The following KCNMA1 variants were observed in gnomAD, a reference collection of about 807,000 sequenced individuals.
KCNMA1 encodes potassium calcium-activated channel subfamily M alpha 1, also known as Calcium-activated potassium channel subunit alpha-1.
In KCNMA1, 29 loss-of-function variants were observed where a neutral mutation model predicts 140.0. The ratio of observed to expected loss-of-function variants is 0.21; its 90% CI spans 0.15 to 0.28. The LOEUF (loss-of-function observed/expected upper bound fraction) is 0.28. KCNMA1 is among the 10% of genes least tolerant of loss of function. The pLI is 1.00. For missense variants in KCNMA1, 880 were observed against 1,602.2 expected, an observed-to-expected ratio of 0.55 and a Z score of 7.70; for synonymous variants, 612 against 611.9, an observed-to-expected ratio of 1.00 and a Z score of 0.00.
intron 1 of KCNMA1, among the ~76,000 whole-genome samples, chr10:77,524,197 G>A (rs925137840): frequency 6.6e-6 from 1 of 152,236 alleles, no homozygotes; most frequent in Non-Finnish European, 1.5e-5. Flanking sequence ...GAGAATAGGG[G>A]TTGTGGTGCA....
rs2057074857 is a variant in KCNMA1, at chr10:77,529,717, C to A, written c.378+107548G>T. On this transcript the variant is annotated intron_variant, in intron 1 of 27. Transcript: ENST00000286628. ...TTAACCCCATTCTCACCCCTGATCC[C>A]AGAACCTCTCCAGGGAAAAGAATGA... 2.0e-5 allele frequency among the ~76,000 whole-genome samples: 3 copies of A among 152,184 alleles called. No individual in the cohort carries two copies. The South Asian group carries it at 6.2e-4, about 32-fold the overall frequency.
chr10:77,095,188 T>G (rs916145207), intron 9 of KCNMA1, among the ~76,000 whole-genome samples: 5 of 152,360 alleles, frequency 3.3e-5, no homozygotes, highest in Middle Eastern at 3.4e-3. Context: ...CATCAGCGAT[T>G]GTCCTGACCA....
At chr10:76,954,067 C>G in intron 20 of KCNMA1, 143 bp from the exon 21 acceptor site, 1 of 985,708 alleles carries the variant, frequency 1.0e-6, no homozygotes, top group Non-Finnish European at 1.5e-6. Flanking sequence ...CTTACAGAAT[C>G]CATCCTTTGA....
chr10:77,394,113 T>C (rs1039624989), intron 2 of KCNMA1, among the ~76,000 whole-genome samples: 1 of 152,128 alleles, frequency 6.6e-6, no homozygotes, highest in Non-Finnish European at 1.5e-5. Context: ...ACCTGGAAAC[T>C]TCAGAGGAGA....
intron 11 of KCNMA1, 86 bp downstream of exon 11, chr10:77,086,402 G>T: frequency 1.0e-6 from 1 of 971,394 alleles, no homozygotes; most frequent in Non-Finnish European, 1.7e-6. Flanking sequence ...CAACCTAGGA[G>T]GTGTGTCCCC....
chr10:77,169,438 G>A (rs1459532997), intron 5 of KCNMA1, among the ~76,000 whole-genome samples: 2 of 151,784 alleles, frequency 1.3e-5, no homozygotes, highest in African/African-American at 4.8e-5. Flanking sequence ...TGCCCAGGCT[G>A]GAGTACAGTA....
intron 16 of KCNMA1, among the ~76,000 whole-genome samples, chr10:77,023,159 C>A (rs940241969): frequency 6.6e-6 from 1 of 152,196 alleles, no homozygotes; most frequent in Admixed American, 6.5e-5. Flanking sequence ...TGGAAGACTG[C>A]AGCTTGATGG....
chr10:77,206,453 A>G (rs140549863), intron 3 of KCNMA1, among the ~76,000 whole-genome samples: 1 of 152,298 alleles, frequency 6.6e-6, no homozygotes, highest in Non-Finnish European at 1.5e-5. Flanking sequence ...GGGCTCATTA[A>G]CTGTTACCTG....
At chr10:77,022,624 T>C (rs1331791024) in intron 16 of KCNMA1, among the ~76,000 whole-genome samples, 3 of 152,200 alleles carry the variant, frequency 2.0e-5, no homozygotes, top group Non-Finnish European at 4.4e-5. Flanking sequence ...TCACATTCTA[T>C]TTACCTTTGA....
At chr10:77,233,980 G>A (rs1307497300) in intron 3 of KCNMA1, among the ~76,000 whole-genome samples, 1 of 152,126 alleles carries the variant, frequency 6.6e-6, no homozygotes, top group Non-Finnish European at 1.5e-5. Context: ...AATGACACTT[G>A]TAACTTTTTT....
At chr10:77,011,052 G>T (rs772942072) in intron 18 of KCNMA1, among the ~76,000 whole-genome samples, 1 of 152,024 alleles carries the variant, frequency 6.6e-6, no homozygotes, top group Non-Finnish European at 1.5e-5. Context: ...TAACACCCCT[G>T]CCAATTACAT....
Position 77,634,391 on chromosome 10 carries a change from T to C in KCNMA1, c.378+2874A>G, listed in dbSNP as rs571848403. 223 of 985,448 alleles carry C rather than the reference T, an allele frequency of 2.3e-4. 1 individual carries two copies. In the Middle Eastern group the frequency reaches 3.7e-3, roughly 16 times the overall value. The allele number at this position is 985,448 out of a possible 1,614,324, so 61.0% of individuals were successfully genotyped here. A position where few individuals can be genotyped will look rare whatever the true frequency, so the allele number is the denominator to read the frequency against. On this transcript the variant is annotated intron_variant, in intron 1 of 27. Transcript: ENST00000286628. ...TTTTCAAAAGACTAAAGTCATTCAC[T>C]GTTTGAGATTCAGAGGCCAAAGGTA...
At chr10:77,268,524 G>A (rs1304990456) in intron 2 of KCNMA1, among the ~76,000 whole-genome samples, 1 of 152,066 alleles carries the variant, frequency 6.6e-6, no homozygotes, top group Non-Finnish European at 1.5e-5. Flanking sequence ...TTGAGTTACT[G>A]GAGGCTTACA....
intron 14 of KCNMA1, among the ~76,000 whole-genome samples, chr10:77,054,488 T>C (rs1383481911): frequency 6.6e-6 from 1 of 152,120 alleles, no homozygotes; most frequent in Admixed American, 6.6e-5. Flanking sequence ...CAGAGATATA[T>C]GTTACTTCTC....
At chr10:77,614,066 G>T (rs1379079776) in intron 1 of KCNMA1, among the ~76,000 whole-genome samples, 1 of 152,192 alleles carries the variant, frequency 6.6e-6, no homozygotes, top group African/African-American at 2.4e-5. Flanking sequence ...AGGCCTGGGT[G>T]GGTGTCTAGT....
At chr10:76,956,272 A>G (rs11001941) in intron 20 of KCNMA1, among the ~76,000 whole-genome samples, 11,088 of 152,244 alleles carry the variant, frequency 0.073, 561 homozygotes, top group Admixed American at 0.16. Flanking sequence ...GTCAAGCTTC[A>G]TTAACTGGGG....
chr10:77,450,558 C>T (rs1013198528), intron 1 of KCNMA1, among the ~76,000 whole-genome samples: 3 of 152,070 alleles, frequency 2.0e-5, no homozygotes, highest in African/African-American at 7.2e-5. Flanking sequence ...CTGTATTTGC[C>T]AAGTTTTCTC....
chr10:77,313,761 C>A (rs1350999495), intron 2 of KCNMA1, among the ~76,000 whole-genome samples: 1 of 152,142 alleles, frequency 6.6e-6, no homozygotes, highest in Non-Finnish European at 1.5e-5. Context: ...GGAAGTGAAT[C>A]AATGAGTAAG....
At chr10:77,022,238 C>T (rs1358277098) in intron 16 of KCNMA1, among the ~76,000 whole-genome samples, 1 of 152,154 alleles carries the variant, frequency 6.6e-6, no homozygotes, top group African/African-American at 2.4e-5. Context: ...CTAGCTCCAA[C>T]TTTATATAAT....
Sources: allele counts gnomAD v4.1 joint callset (sites outside exome capture counted in the v4.1 genomes callset), GRCh38; gene constraint gnomAD v4.1.1; transcripts MANE v1.5; gene names NCBI Gene and HGNC (gene_info 2026-07-23, HGNC 2026-07-21).